The following RAPGEF4 variants were observed in gnomAD, a reference collection of about 807,000 sequenced individuals.
RAPGEF4 encodes RAP guanine-nucleotide-exchange factor (GEF) 4.
A neutral mutation model predicts 147.9 loss-of-function variants in RAPGEF4; 66 were observed. The observed-to-expected ratio is 0.45, with a 90% CI of 0.37 to 0.55. RAPGEF4 has a LOEUF of 0.55. RAPGEF4 is among the 20% of genes least tolerant of loss of function. The pLI, the probability that RAPGEF4 is intolerant of heterozygous loss-of-function variation, is 0.00. For synonymous variants in RAPGEF4, 419 were observed against 442.7 expected, an observed-to-expected ratio of 0.95 and a Z score of 0.67; for missense variants, 1,071 against 1,257.3, an observed-to-expected ratio of 0.85 and a Z score of 2.24.
At chr2:172,889,236 A>T (rs1016741900) in intron 4 of RAPGEF4, among the ~76,000 whole-genome samples, 20 of 152,104 alleles carry the variant, frequency 1.3e-4, no homozygotes, top group African/African-American at 2.4e-4. Context: ...GCTGGAAGAG[A>T]TCACATGACA....
chr2:172,749,314 T>G (rs184849068), intron 1 of RAPGEF4, among the ~76,000 whole-genome samples: 1,653 of 152,324 alleles, frequency 0.011, 16 homozygotes, highest in South Asian at 0.04. Context: ...TGCCTGGACA[T>G]CCAGTTCCAT....
chr2:172,823,831 A>C (rs571772025), intron 4 of RAPGEF4, among the ~76,000 whole-genome samples: 3 of 152,336 alleles, frequency 2.0e-5, no homozygotes, highest in African/African-American at 7.2e-5. Flanking sequence ...GATGTGGTTG[A>C]ATGGTCTGGC....
At chr2:172,911,361 G>A (rs1009093877) in intron 4 of RAPGEF4, among the ~76,000 whole-genome samples, 3 of 152,226 alleles carry the variant, frequency 2.0e-5, no homozygotes, top group South Asian at 2.1e-4. Context: ...TGGCACATAA[G>A]TTACCAATCT....
chr2:172,844,605 A>G (rs1264591313), intron 4 of RAPGEF4, among the ~76,000 whole-genome samples: 25 of 152,182 alleles, frequency 1.6e-4, no homozygotes, highest in Admixed American at 1.6e-3. Flanking sequence ...AAAATTATCC[A>G]GCAACTAAAA....
At chr2:172,757,959 A>G (rs375576308) in intron 1 of RAPGEF4, among the ~76,000 whole-genome samples, 6 of 152,212 alleles carry the variant, frequency 3.9e-5, no homozygotes, top group Admixed American at 3.9e-4. Context: ...TAGATAATAA[A>G]CCATAAACAT....
intron 4 of RAPGEF4, among the ~76,000 whole-genome samples, chr2:172,827,411 G>A (rs997538795): frequency 1.3e-5 from 2 of 151,998 alleles, no homozygotes; most frequent in South Asian, 4.2e-4. Flanking sequence ...AGTATTTCAG[G>A]TTCGCTTTCT....
At chr2:172,885,699 A>G (rs141246651) in intron 4 of RAPGEF4, among the ~76,000 whole-genome samples, 209 of 152,270 alleles carry the variant, frequency 1.4e-3, no homozygotes, top group African/African-American at 4.8e-3. Flanking sequence ...AACCGCCCCC[A>G]TGATTCAATT....
At position 172,996,932 on chromosome 2, in the gene RAPGEF4, G is replaced by A. The variant is rs933443062; in HGVS notation, c.1579+378G>A. 3.9e-5 allele frequency among the ~76,000 whole-genome samples: 6 copies of A among 152,306 alleles called. No homozygotes were observed. In the East Asian group the frequency reaches 1.2e-3, roughly 29 times the overall value. On this transcript the variant is annotated intron_variant, in intron 16 of 30. Coordinates refer to ENST00000397081, the MANE Select transcript of RAPGEF4 (RefSeq NM_007023.4). The stretch of plus-strand genomic sequence containing the variant: ...TAAAAGGTACAGCCTTGCTCCAGTT[G>A]GGAGTAAGATACTTCTCTCTGCAGT...
chr2:172,794,965 TGATTC>T, intron 1 of RAPGEF4, 55 bp from the exon 2 acceptor site: 1 of 1,482,414 alleles, frequency 6.7e-7, no homozygotes, highest in Non-Finnish European at 9.2e-7. Context: ...TGAGGCCTGT[TGATTC>T]ACTTTGAGGT....
At chr2:172,775,030 G>A (rs187855481) in intron 1 of RAPGEF4, among the ~76,000 whole-genome samples, 63 of 152,308 alleles carry the variant, frequency 4.1e-4, no homozygotes, top group African/African-American at 1.4e-3. Flanking sequence ...GTTCTGAGGC[G>A]TGGCTTCCTT....
At chr2:172,998,105 A>G (rs747613799) in intron 16 of RAPGEF4, among the ~76,000 whole-genome samples, 34 of 152,208 alleles carry the variant, frequency 2.2e-4, no homozygotes, top group Non-Finnish European at 4.4e-4. Flanking sequence ...CAGGAAGCTT[A>G]TAATCTGTTA....
chr2:172,958,552 T>G (rs1360772631), intron 6 of RAPGEF4, among the ~76,000 whole-genome samples: 1 of 152,238 alleles, frequency 6.6e-6, no homozygotes, highest in Non-Finnish European at 1.5e-5. Context: ...TCTCCATCAG[T>G]ACGTCTGCCA....
intron 3 of RAPGEF4, among the ~76,000 whole-genome samples, chr2:172,806,015 C>CTCTGTGTGTG (rs1381635401): frequency 1.4e-5 from 2 of 145,324 alleles, no homozygotes; most frequent in Non-Finnish European, 3.0e-5. Flanking sequence ...TATTATCCGG[C>CTCTGTGTGTG]TGTGTGTGTG....
In RAPGEF4 at chr2:172,917,976, C is replaced by T. The variant is rs114885282; in HGVS notation, c.517+102C>T. ...CCTACACCAGCTTGTCAGAGTAAGT[C>T]TCCAGACTCTTTTGTGGATAAACAA... On this transcript the variant is annotated intron_variant, in intron 5 of 30. Coordinates refer to ENST00000397081, the MANE Select transcript of RAPGEF4 (RefSeq NM_007023.4). The T allele has an allele frequency of 2.1e-3, 2,046 of 977,820 alleles. 5 individuals carry two copies. The highest frequency in any genetic ancestry group is 2.7e-3 in the Non-Finnish European group (1,650 of 608,836). 60.6% of individuals were successfully genotyped at this position (977,820 alleles called of 1,614,324 possible). A position where few individuals can be genotyped will look rare whatever the true frequency, so the allele number is the denominator to read the frequency against.
At chr2:172,918,687 C>T (rs1472294933) in intron 5 of RAPGEF4, among the ~76,000 whole-genome samples, 6 of 152,042 alleles carry the variant, frequency 3.9e-5, no homozygotes, top group African/African-American at 1.2e-4. Flanking sequence ...ACATGGTTAG[C>T]GTTCGTTACC....
chr2:172,986,025 G>A (rs768268476), intron 12 of RAPGEF4, among the ~76,000 whole-genome samples: 12 of 152,170 alleles, frequency 7.9e-5, no homozygotes, highest in Non-Finnish European at 2.9e-5. Context: ...CCAAGTTGCA[G>A]TTTAGTTCTG....
intron 17 of RAPGEF4, among the ~76,000 whole-genome samples, chr2:173,009,839 T>G (rs950983723): frequency 6.6e-6 from 1 of 152,226 alleles, no homozygotes; most frequent in African/African-American, 2.4e-5. Context: ...AACTCTTGAT[T>G]TTCTGCATGT....
intron 4 of RAPGEF4, among the ~76,000 whole-genome samples, chr2:172,836,415 C>T (rs1222815688): frequency 7.2e-5 from 11 of 152,326 alleles, no homozygotes; most frequent in Non-Finnish European, 2.9e-5. Flanking sequence ...TGGTGTGTGA[C>T]GTCTCAGTTG....
At chr2:172,903,721 G>A (rs1291834580) in intron 4 of RAPGEF4, among the ~76,000 whole-genome samples, 1 of 152,080 alleles carries the variant, frequency 6.6e-6, no homozygotes, top group Admixed American at 6.6e-5. Context: ...TGCCCCCCGG[G>A]GGTTACTGGG....
Sources: allele counts gnomAD v4.1 joint callset (sites outside exome capture counted in the v4.1 genomes callset), GRCh38; gene constraint gnomAD v4.1.1; transcripts MANE v1.5; gene names NCBI Gene and HGNC (gene_info 2026-07-23, HGNC 2026-07-21).